Variants in CDC42BPB observed in about 807,000 individuals in gnomAD.
CDC42BPB encodes serine/threonine-protein kinase MRCK beta.
A neutral mutation model predicts 214.9 loss-of-function variants in CDC42BPB; 37 were observed. The observed-to-expected ratio is 0.17, with a 90% CI of 0.13 to 0.23. The LOEUF is 0.23. Ranked by LOEUF, CDC42BPB falls within the 10% of genes least tolerant of loss-of-function variation. The probability of loss-of-function intolerance (pLI) is 1.00; values close to 1 mark genes in which losing one functional copy is unlikely to be tolerated. For missense variants in CDC42BPB, 1,694 were observed against 2,227.0 expected (o/e 0.76, Z 4.82); for synonymous variants, 931 against 884.0 (o/e 1.05, Z -0.94).
At chr14:102,962,311 T>C (rs1892998033) in intron 20 of CDC42BPB, among the ~76,000 whole-genome samples, 3 of 152,136 alleles carry the variant, frequency 2.0e-5, no homozygotes, top group Admixed American at 6.5e-5. Flanking sequence ...TAGAACTCTA[T>C]CCCGAAATAC....
intron 21 of CDC42BPB, among the ~76,000 whole-genome samples, chr14:102,958,002 A>G (rs1892787607): frequency 6.6e-6 from 1 of 152,278 alleles, no homozygotes; most frequent in Non-Finnish European, 1.5e-5. Flanking sequence ...ATTCTGCAGG[A>G]CAACTGGCCT....
At chr14:102,939,559 GGGA>G (rs1221012725) in intron 34 of CDC42BPB, 48 bp downstream of exon 34, 5 of 1,300,552 alleles carry the variant, frequency 3.8e-6, no homozygotes, top group East Asian at 2.3e-5. Flanking sequence ...TGCCTGAGCG[GGGA>G]GGAGGAGATG....
chr14:103,008,884 A>G (rs924019872), intron 2 of CDC42BPB, among the ~76,000 whole-genome samples: 2 of 152,238 alleles, frequency 1.3e-5, no homozygotes, highest in African/African-American at 4.8e-5. Context: ...TAATGTGCCC[A>G]GCACACTGTG....
At chr14:102,950,388 C>T in intron 25 of CDC42BPB, 78 bp downstream of exon 25, 1 of 1,564,762 alleles carries the variant, frequency 6.4e-7, no homozygotes, top group Non-Finnish European at 8.7e-7. Flanking sequence ...GGGCTGCTTT[C>T]AAGAGTGGCT....
chr14:103,032,600 T>C (rs1887449439), intron 1 of CDC42BPB, among the ~76,000 whole-genome samples: 1 of 145,154 alleles, frequency 6.9e-6, no homozygotes, highest in African/African-American at 2.5e-5. Flanking sequence ...TAAGGAGGTG[T>C]ACAATCCAAA....
At chr14:103,000,704 G>C (rs1181397651) in intron 4 of CDC42BPB, among the ~76,000 whole-genome samples, 1 of 152,174 alleles carries the variant, frequency 6.6e-6, no homozygotes, top group Admixed American at 6.5e-5. Context: ...GCCGGGGCAG[G>C]GACCCTGTAA....
At chr14:103,056,933 G>C in intron 1 of CDC42BPB, 66 bp downstream of exon 1, 1 of 1,164,364 alleles carries the variant, frequency 8.6e-7, no homozygotes, top group Non-Finnish European at 1.1e-6. Flanking sequence ...GGCGGGCGTG[G>C]GGATGCGCGG....
intron 7 of CDC42BPB, among the ~76,000 whole-genome samples, chr14:102,982,373 C>A (rs1386479321): frequency 2.6e-5 from 4 of 152,194 alleles, no homozygotes; most frequent in African/African-American, 7.2e-5. Context: ...GACAGGCCAG[C>A]ACTCAATCAG....
At position 102,969,783 on chromosome 14, in the gene CDC42BPB, G is replaced by A. The variant is rs181244727; in HGVS notation, c.1995+368C>T. The stretch of plus-strand genomic sequence containing the variant: ...TCTTCCCCAGTCAGCAGCAGGCTAC[G>A]GGCTTTAAGGAGCTTTTCCAAAACT... On this transcript the variant is annotated intron_variant, in intron 14 of 36. Transcript: ENST00000361246. Among the ~76,000 whole-genome samples the A allele has an allele frequency of 9.5e-4, 144 of 152,306 alleles. 1 individual carries two copies. Among genetic ancestry groups the A allele is most frequent in the Admixed American group, 6.3e-3 (96 of 15,302 alleles).
chr14:102,966,569 A>G (rs1176909316), intron 17 of CDC42BPB, 182 bp from the exon 18 acceptor site: 1 of 961,658 alleles, frequency 1.0e-6, no homozygotes, highest in Non-Finnish European at 1.2e-6. Context: ...TACATTGCAC[A>G]TGACTGCAGT....
intron 1 of CDC42BPB, among the ~76,000 whole-genome samples, chr14:103,024,417 G>C (rs571098382): frequency 5.9e-5 from 9 of 152,286 alleles, no homozygotes; most frequent in Admixed American, 5.2e-4. Context: ...GTGATTAAAT[G>C]CTTCCTACCC....
At chr14:102,935,515 T>C (rs147733561) in intron 36 of CDC42BPB, among the ~76,000 whole-genome samples, 5,955 of 152,200 alleles carry the variant, frequency 0.039, 180 homozygotes, top group Non-Finnish European at 0.058. Flanking sequence ...CTAGGCCGGG[T>C]ATAGTGCCTC....
At chr14:102,971,076 C>T (rs916385422) in intron 13 of CDC42BPB, among the ~76,000 whole-genome samples, 1 of 152,216 alleles carries the variant, frequency 6.6e-6, no homozygotes, top group African/African-American at 2.4e-5. Context: ...GTGTGCAAGG[C>T]CCTTCCTTTC....
At chr14:102,973,016 A>G (rs1893556351) in intron 12 of CDC42BPB, among the ~76,000 whole-genome samples, 1 of 152,230 alleles carries the variant, frequency 6.6e-6, no homozygotes, top group Non-Finnish European at 1.5e-5. Context: ...TGCACTCACC[A>G]CGCTGATGAC....
At chr14:102,983,990 G>GC in intron 6 of CDC42BPB, 2 of 542,512 alleles carry the variant, frequency 3.7e-6, no homozygotes, top group Non-Finnish European at 4.7e-6. Context: ...AGGAGCTCAA[G>GC]GCCAACACGG....
intron 5 of CDC42BPB, among the ~76,000 whole-genome samples, chr14:102,992,184 C>T (rs573774742): frequency 5.9e-5 from 9 of 152,244 alleles, no homozygotes; most frequent in Admixed American, 3.9e-4. Context: ...CTGCTGTGAG[C>T]GTGCAGTTTT....
chr14:103,031,028 C>G (rs1312823153), intron 1 of CDC42BPB, among the ~76,000 whole-genome samples: 2 of 152,032 alleles, frequency 1.3e-5, no homozygotes, highest in African/African-American at 2.4e-5. Context: ...CCAGACTACC[C>G]ACCTCCAATA....
At chr14:103,021,309 TA>T (rs1393789004) in intron 1 of CDC42BPB, among the ~76,000 whole-genome samples, 1 of 151,932 alleles carries the variant, frequency 6.6e-6, no homozygotes, top group Non-Finnish European at 1.5e-5. Context: ...AAATATTTTT[TA>T]AAAAAATTAG....
In CDC42BPB at chr14:102,983,549, G is replaced by A. The variant is rs376647068; in HGVS notation, c.891+7C>T. On this transcript the variant is annotated splice_region_variant and intron_variant, in intron 7 of 36. Transcript: ENST00000361246. ...ACCAAAAAAAAAAAAAAAATGCAAC[G>A]TCTTACTTCATGGTTCATGATCTTC... 17 of 1,581,280 alleles carry A rather than the reference G, an allele frequency of 1.1e-5. No homozygotes were observed. The African/African-American group carries it at 1.1e-4, about 10-fold the overall frequency.
Sources: allele counts gnomAD v4.1 joint callset (sites outside exome capture counted in the v4.1 genomes callset), GRCh38; gene constraint gnomAD v4.1.1; transcripts MANE v1.5; gene names NCBI Gene and HGNC (gene_info 2026-07-23, HGNC 2026-07-21).